Variants in TRIM24 observed in about 807,000 individuals in gnomAD.
The protein encoded by TRIM24 is transcription intermediary factor 1-alpha.
TRIM24 carries 29 observed loss-of-function variants against 123.9 expected under a neutral mutation model. The ratio of observed to expected loss-of-function variants is 0.23; its 90% confidence interval spans 0.17 to 0.32. TRIM24 has a LOEUF of 0.32. Among genes scored for constraint, TRIM24 ranks in the 10% least tolerant of loss-of-function variants. TRIM24 has a pLI of 1.00. For missense variants in TRIM24, 932 were observed against 1,295.3 expected (o/e 0.72, Z 4.31); for synonymous variants, 456 against 461.1 (o/e 0.99, Z 0.14).
chr7:138,564,841 T>C (rs1797501737), intron 9 of TRIM24, among the ~76,000 whole-genome samples: 1 of 152,202 alleles, frequency 6.6e-6, no homozygotes, highest in Non-Finnish European at 1.5e-5. Flanking sequence ...TTCTTAAAAT[T>C]CTTTAACATA....
chr7:138,502,907 T>G (rs1584704166), intron 1 of TRIM24, among the ~76,000 whole-genome samples: 2 of 152,316 alleles, frequency 1.3e-5, no homozygotes, highest in East Asian at 3.9e-4. Flanking sequence ...TTTTGTTTCT[T>G]GCTTAAAAAT....
chr7:138,503,445 G>A (rs6962037), intron 1 of TRIM24, among the ~76,000 whole-genome samples: 68,431 of 151,502 alleles, frequency 0.45, 16,242 homozygotes, highest in African/African-American at 0.53. Flanking sequence ...ATATATTTTT[G>A]TTGCTATTGT....
intron 7 of TRIM24, among the ~76,000 whole-genome samples, chr7:138,542,567 A>C (rs1001448010): frequency 6.6e-6 from 1 of 152,208 alleles, no homozygotes; most frequent in South Asian, 2.1e-4. Flanking sequence ...CTGTTGGAAG[A>C]ATGGTGCTGA....
At chr7:138,544,677 C>A (rs35934517) in intron 7 of TRIM24, among the ~76,000 whole-genome samples, 2,675 of 152,316 alleles carry the variant, frequency 0.018, 40 homozygotes, top group South Asian at 0.058. Context: ...CAACACTTGT[C>A]TTCCTTGTCT....
At chr7:138,545,211 C>T (rs1797078189) in intron 7 of TRIM24, among the ~76,000 whole-genome samples, 1 of 151,804 alleles carries the variant, frequency 6.6e-6, no homozygotes, top group African/African-American at 2.4e-5. Flanking sequence ...TAAAAACTAT[C>T]AAGAATCTTA....
At chr7:138,505,337 A>G (rs1009541808) in intron 2 of TRIM24, among the ~76,000 whole-genome samples, 7 of 152,110 alleles carry the variant, frequency 4.6e-5, no homozygotes, top group Admixed American at 2.0e-4. Context: ...TGACAATGAG[A>G]TTTTTATTTC....
Position 138,460,921 on chromosome 7 carries a change from C to A in TRIM24, c.364+9C>A. 3 of 1,435,554 alleles carry A rather than the reference C, an allele frequency of 2.1e-6. No individual in the cohort carries two copies. Among genetic ancestry groups the A allele is most frequent in the South Asian group, 1.4e-5 (1 of 70,482 alleles). The allele number at this position is 1,435,554 out of a possible 1,614,324, so 88.9% of individuals were successfully genotyped here. A position where few individuals can be genotyped will look rare whatever the true frequency, so the allele number is the denominator to read the frequency against. On this transcript the variant is annotated intron_variant, in intron 1 of 18. Transcript: ENST00000343526. ...GCCGTTCGCCACCCAAGGTGAGAAC[C>A]GGCCGCGGCCGCTGGGGAGCCCGGG... is the stretch of plus-strand genomic sequence containing the variant.
Position 138,519,340 on chromosome 7 carries a change from A to G in TRIM24, c.764+19A>G. 1 of 1,580,850 alleles carries G rather than the reference A, an allele frequency of 6.3e-7. No homozygotes were observed. Among genetic ancestry groups the G allele is most frequent in the Non-Finnish European group, 8.6e-7 (1 of 1,166,602 alleles). On this transcript the variant is annotated intron_variant, in intron 4 of 18. Transcript: ENST00000343526. ...AGCATAGGTACCAGCATCTTTGGTT[A>G]TATATATAGATTCATATGCAGCTTT...
chr7:138,536,512 T>C (rs28816768), intron 6 of TRIM24, among the ~76,000 whole-genome samples: 3,314 of 152,330 alleles, frequency 0.022, 100 homozygotes, highest in African/African-American at 0.073. Flanking sequence ...GTATCAGCAT[T>C]GGAGGCTGCA....
chr7:138,496,396 C>T (rs1254935860), intron 1 of TRIM24, among the ~76,000 whole-genome samples: 1 of 152,172 alleles, frequency 6.6e-6, no homozygotes, highest in Non-Finnish European at 1.5e-5. Flanking sequence ...TATAGTTTTA[C>T]TTCTTCCTTT....
At chr7:138,479,724 T>G (rs1795484883) in intron 1 of TRIM24, among the ~76,000 whole-genome samples, 1 of 151,620 alleles carries the variant, frequency 6.6e-6, no homozygotes, top group African/African-American at 2.4e-5. Flanking sequence ...GTCAGGCTGG[T>G]CTCGAACTCC....
chr7:138,488,767 A>G (rs1166139567), intron 1 of TRIM24, among the ~76,000 whole-genome samples: 4 of 152,192 alleles, frequency 2.6e-5, no homozygotes, highest in African/African-American at 9.6e-5. Context: ...TTTACTTCCA[A>G]CTATGTGGTC....
intron 9 of TRIM24, among the ~76,000 whole-genome samples, chr7:138,562,153 C>CA (rs1190007912): frequency 1.3e-5 from 2 of 151,590 alleles, no homozygotes; most frequent in African/African-American, 4.8e-5. Context: ...TTGGGGCTGC[C>CA]AAAAAAAGGT....
chr7:138,492,298 A>AAAAG (rs58762010), intron 1 of TRIM24, among the ~76,000 whole-genome samples: 2 of 148,778 alleles, frequency 1.3e-5, no homozygotes, highest in Non-Finnish European at 1.5e-5. Flanking sequence ...AAAAAAAAAA[A>AAAAG]GGGAAAGAAA....
chr7:138,548,544 T>C (rs1166798823), intron 7 of TRIM24, among the ~76,000 whole-genome samples: 2 of 152,156 alleles, frequency 1.3e-5, no homozygotes. Flanking sequence ...GCGTAGGACA[T>C]TACTGTACAC....
intron 1 of TRIM24, among the ~76,000 whole-genome samples, chr7:138,474,390 G>T (rs1480318993): frequency 6.6e-6 from 1 of 152,122 alleles, no homozygotes; most frequent in Non-Finnish European, 1.5e-5. Context: ...CTCCCAAAGT[G>T]CTGGGATTAC....
Position 138,577,567 on chromosome 7 carries a change from T to C in TRIM24, c.2235T>C (p.Asp745=). ...TTGTTATAGTGAAGCAAGAATCAGA[T>C]GAAGAATCTAGGCCTCAAAATGTAA... is the stretch of plus-strand genomic sequence containing the variant. ...FPVVIVKQES[D]EESRPQNANY... The change falls in exon 14 of 19, where the codon GAT becomes GAC. Residue 745 remains aspartate, a synonymous_variant. Coordinates refer to ENST00000343526, the MANE Select transcript of TRIM24 (RefSeq NM_015905.3). 2 of 1,607,420 alleles carry C rather than the reference T, an allele frequency of 1.2e-6. No homozygotes were observed. Among genetic ancestry groups the C allele is most frequent in the Non-Finnish European group, 1.7e-6 (2 of 1,177,228 alleles).
intron 1 of TRIM24, among the ~76,000 whole-genome samples, chr7:138,463,543 T>C (rs1443088632): frequency 6.6e-6 from 1 of 152,208 alleles, no homozygotes; most frequent in Non-Finnish European, 1.5e-5. Flanking sequence ...CTTCCATTTA[T>C]ATTTTAAATG....
chr7:138,542,372 A>G (rs551681102), intron 7 of TRIM24, among the ~76,000 whole-genome samples: 2 of 152,318 alleles, frequency 1.3e-5, no homozygotes, highest in African/African-American at 4.8e-5. Flanking sequence ...AGGCCTGAGG[A>G]GAGGAAGAAA....
Sources: allele counts gnomAD v4.1 joint callset (sites outside exome capture counted in the v4.1 genomes callset), GRCh38; gene constraint gnomAD v4.1.1; transcripts MANE v1.5; gene names NCBI Gene and HGNC (gene_info 2026-07-23, HGNC 2026-07-21).